The following DENND2B variants were observed in gnomAD, a reference collection of about 807,000 sequenced individuals.
The protein encoded by DENND2B is DENN domain-containing protein 2B.
Under a neutral mutation model 116.0 loss-of-function variants are expected in DENND2B, and 32 were observed. That is an observed-to-expected ratio of 0.28 (90% CI 0.21 to 0.37). DENND2B has a LOEUF of 0.37. Among genes scored for constraint, DENND2B ranks in the 10% least tolerant of loss-of-function variants. DENND2B has a pLI of 1.00. For missense variants in DENND2B, 1,276 were observed against 1,477.7 expected (o/e 0.86, Z 2.24); for synonymous variants, 588 against 583.9 (o/e 1.01, Z -0.10).
Position 8,717,903 on chromosome 11 carries a change from G to A in DENND2B, c.1478-11C>T, listed in dbSNP as rs1286526093. 1 of 1,604,656 alleles carries A rather than the reference G, an allele frequency of 6.2e-7. No homozygotes were observed. Among genetic ancestry groups the A allele is most frequent in the African/African-American group, 1.3e-5 (1 of 74,500 alleles). ...CCTTGGGCAGATCTCCTGCAGAGGAGGAAGAGTTAGAGAAGGGGGAGAAGG... is the reference window on the plus strand; with the variant it reads ...CCTTGGGCAGATCTCCTGCAGAGGAAGAAGAGTTAGAGAAGGGGGAGAAGG... On this transcript the variant is annotated splice_polypyrimidine_tract_variant and intron_variant, in intron 4 of 19. Transcript: ENST00000313726.
rs767292749 is a variant in DENND2B at position 8,730,059 on chromosome 11, G to A, written c.1231C>T (p.Pro411Ser). 16 of 1,614,104 alleles carry A rather than the reference G, an allele frequency of 9.9e-6. No individual in the cohort carries two copies. The highest frequency in any genetic ancestry group is 1.4e-5 in the Non-Finnish European group (16 of 1,180,044). Residue 411 changes from proline to serine, a missense_variant, in exon 3 of 20, where the codon CCT (proline) becomes TCT (serine). By Grantham distance (74) the Pro-to-Ser change is moderately conservative. This residue lies in a region of DENND2B where 856 missense variants were observed against 846.6 expected (regional missense o/e 1.01). Coordinates refer to ENST00000313726, the MANE Select transcript of DENND2B (RefSeq NM_213618.2). This position sits in a 1 kb window ranked among gnomAD's most constrained non-coding sequence, Gnocchi z 4.1. ...GGAGCAGCAGGTGTGGGTGAAGGAGGTAGACCATTACTGGGCTTACTCTTG... is the reference window on the plus strand; with the variant it reads ...GGAGCAGCAGGTGTGGGTGAAGGAGATAGACCATTACTGGGCTTACTCTTG... Reference protein sequence around the residue: ...NPKSKPSNGLPPSPTPAAPPP... With the variant: ...NPKSKPSNGLSPSPTPAAPPP...
intron 1 of DENND2B, among the ~76,000 whole-genome samples, chr11:8,904,619 T>G (rs2064212595): frequency 6.6e-6 from 1 of 152,160 alleles, no homozygotes. Context: ...AAGAAAAAAG[T>G]TAGCCTTTCT....
intron 4 of DENND2B, among the ~76,000 whole-genome samples, chr11:8,720,735 G>A (rs769292734): frequency 2.0e-5 from 3 of 152,200 alleles, no homozygotes; most frequent in Non-Finnish European, 4.4e-5. Flanking sequence ...CAGGTGGACA[G>A]GGGACCAGGG....
chr11:8,810,254 T>C (rs1205334271), intron 1 of DENND2B: 1 of 152,078 alleles, frequency 6.6e-6, no homozygotes, highest in Non-Finnish European at 1.5e-5. Context: ...TTGTGCTAAA[T>C]AAAAGTAAAA....
upstream of DENND2B, among the ~76,000 whole-genome samples, chr11:8,813,695 G>C (rs1261118117): frequency 6.6e-6 from 1 of 152,178 alleles, no homozygotes. Flanking sequence ...ACTGATACAA[G>C]TCAGTTCCTG....
chr11:8,705,147 T>C (rs1322660647), intron 13 of DENND2B, among the ~76,000 whole-genome samples: 10 of 152,178 alleles, frequency 6.6e-5, no homozygotes, highest in Non-Finnish European at 1.0e-4. Flanking sequence ...TAGCCCCTCC[T>C]GCTCCTGCAG....
intron 1 of DENND2B, among the ~76,000 whole-genome samples, chr11:8,801,612 G>A (rs566706728): frequency 2.0e-5 from 3 of 151,722 alleles, no homozygotes; most frequent in South Asian, 4.2e-4. Flanking sequence ...GGAAGGTAGA[G>A]GTTGCAGTGA....
intron 11 of DENND2B, 26 bp downstream of exon 11, chr11:8,710,819 C>T: frequency 3.7e-6 from 6 of 1,610,222 alleles, no homozygotes; most frequent in Non-Finnish European, 5.1e-6. Context: ...TGCCTGCTGG[C>T]CTGAGGACCG....
chr11:8,806,638 A>ACACACACACACACACC lies in DENND2B; in HGVS notation c.-26+3878_-26+3879insGGTGTGTGTGTGTGTG, dbSNP rs1017645452. Among the ~76,000 whole-genome samples the ACACACACACACACACC allele has an allele frequency of 1.3e-3, 197 of 151,006 alleles. 1 individual carries two copies. Among genetic ancestry groups the ACACACACACACACACC allele is most frequent in the African/African-American group, 4.0e-3 (164 of 41,036 alleles). On this transcript the variant is annotated intron_variant, in intron 1 of 19. Coordinates refer to ENST00000313726, the MANE Select transcript of DENND2B (RefSeq NM_213618.2). The stretch of plus-strand genomic sequence containing the variant: ...CACACACACACACACACACACACAC[A>ACACACACACACACACC]CCCAGGAGAGCTTTCTGGGGCCTAT...
chr11:8,699,403 CAGAG>C lies in DENND2B; in HGVS notation c.2721-17_2721-14del, dbSNP rs773907299. 8.2e-6 allele frequency: 13 copies of C among 1,582,080 alleles called. No homozygotes were observed. The highest frequency in any genetic ancestry group is 5.5e-5 in the African/African-American group (4 of 72,872). ...GCTGGAGAGGGTACTGATGGGCAGA[CAGAG>C]AGACAGAGTACCTGAGCCCAGGCCC... On this transcript the variant is annotated splice_polypyrimidine_tract_variant and intron_variant, in intron 14 of 19. Coordinates refer to ENST00000313726, the MANE Select transcript of DENND2B (RefSeq NM_213618.2).
At chr11:8,874,715 G>A (rs2063824038), upstream of DENND2B, among the ~76,000 whole-genome samples, 1 of 151,570 alleles carries the variant, frequency 6.6e-6, no homozygotes, top group South Asian at 2.1e-4. Context: ...GAGCTCACGA[G>A]TTTGAGACCA....
At chr11:8,853,298 G>A (rs532121263) in intron 3 of DENND2B, among the ~76,000 whole-genome samples, 1 of 152,300 alleles carries the variant, frequency 6.6e-6, no homozygotes, top group East Asian at 1.9e-4. Flanking sequence ...GGGAGGTGGA[G>A]GTTGCAGTGA....
intron 1 of DENND2B, among the ~76,000 whole-genome samples, chr11:8,889,727 G>C (rs1013403007): frequency 6.6e-6 from 1 of 152,234 alleles, no homozygotes; most frequent in Non-Finnish European, 1.5e-5. Flanking sequence ...GCTTGAGTAG[G>C]TAAACAAAGC....
At chr11:8,885,643 C>G (rs1319561600) in intron 1 of DENND2B, among the ~76,000 whole-genome samples, 1 of 152,008 alleles carries the variant, frequency 6.6e-6, no homozygotes, top group Non-Finnish European at 1.5e-5. Flanking sequence ...AATTGGCTCC[C>G]AATAAGGAAT....
intron 4 of DENND2B, among the ~76,000 whole-genome samples, chr11:8,824,932 C>A (rs189020886): frequency 8.1e-4 from 123 of 151,094 alleles, no homozygotes; most frequent in African/African-American, 2.9e-3. Context: ...CTCCTGACCT[C>A]AAGTGATCTG....
intron 1 of DENND2B, among the ~76,000 whole-genome samples, chr11:8,765,859 G>A (rs1444309851): frequency 1.3e-5 from 2 of 152,126 alleles, no homozygotes; most frequent in South Asian, 4.2e-4. Flanking sequence ...CCAACATGGT[G>A]AAACCCTAAT....
chr11:8,863,178 A>T (rs779343450), intron 2 of DENND2B, among the ~76,000 whole-genome samples: 67 of 151,826 alleles, frequency 4.4e-4, no homozygotes, highest in Non-Finnish European at 5.1e-4. Context: ...TTAATTAATT[A>T]AAAAAAATTT....
At chr11:8,875,858 T>C (rs1051874841), upstream of DENND2B, among the ~76,000 whole-genome samples, 1 of 152,186 alleles carries the variant, frequency 6.6e-6, no homozygotes, top group Admixed American at 6.5e-5. Flanking sequence ...CTTTTGACTT[T>C]ACCATGGTGC....
rs1466128304 is a variant in DENND2B, at chr11:8,717,887, G to T, written c.1483C>A (p.Leu495Met). ...ENAYEDIVGD[L>M]PKENPYEDVD... Reference sequence around the variant, plus strand: ...TCCTCATATGGATTCTCCTTGGGCAGATCTCCTGCAGAGGAGGAAGAGTTA... The same window carrying T: ...TCCTCATATGGATTCTCCTTGGGCATATCTCCTGCAGAGGAGGAAGAGTTA... Residue 495 changes from leucine to methionine, a missense_variant, in exon 5 of 20, where the codon CTG becomes ATG. Transcript: ENST00000313726. The T allele has an allele frequency of 6.2e-7, 1 of 1,609,760 alleles. No homozygotes were observed.
Sources: gnomAD v4.1 joint callset for allele counts (sites outside exome capture counted in the v4.1 genomes callset) on GRCh38, gnomAD v4.1.1 for gene constraint, gnomAD v4.1.1 regional missense constraint, Gnocchi (gnomAD v3.1) non-coding constraint, MANE v1.5 for transcripts, NCBI Gene and HGNC (gene_info 2026-07-23, HGNC 2026-07-21) for gene names.